Variants in IGIP observed in about 807,000 individuals in gnomAD.
The protein encoded by IGIP is IgA inducing protein, also known as IgA-inducing protein homolog.
In IGIP, 1 loss-of-function variant was observed where a neutral mutation model predicts 3.2. The observed-to-expected ratio is 0.32, with a 90% confidence interval of 0.11 to 1.50. The LOEUF is 1.50. Ranked by LOEUF, IGIP falls within the 40% of genes most tolerant of loss-of-function variation. IGIP has a pLI of 0.39. For missense variants in IGIP, 64 were observed against 69.0 expected, an observed-to-expected ratio of 0.93 and a Z score of 0.26; for synonymous variants, 20 against 22.7, an observed-to-expected ratio of 0.88 and a Z score of 0.34.
rs1173893222 is a variant in IGIP at position 140,127,623 on chromosome 5, T to G, written c.-854T>G. ...ATTATATTGCAGAGTTGCTTTATTT[T>G]GAGCTTTTTGTGTATACACAATCCC... is the stretch of plus-strand genomic sequence containing the variant. On this transcript the variant is annotated 5_prime_UTR_variant, in exon 1 of 1. An upstream open reading frame in the 5' UTR loses its in-frame stop. Coordinates refer to ENST00000333305, the MANE Select transcript of IGIP (RefSeq NM_001007189.2). 6.0e-6 allele frequency: 1 copy of G among 167,068 alleles called. No homozygotes were observed. The highest frequency in any genetic ancestry group is 1.5e-5 in the Non-Finnish European group (1 of 68,120). The allele number at this position is 167,068 out of a possible 1,614,324, so 10.3% of individuals were successfully genotyped here.
At position 140,127,860 on chromosome 5, in the gene IGIP, T is replaced by A. The variant is rs1417894814; in HGVS notation, c.-617T>A. On this transcript the variant is annotated 5_prime_UTR_variant, in exon 1 of 1. The change abolishes an upstream ATG in the 5' untranslated region. Transcript: ENST00000333305. ...CTGACAGTATTAAGTTATATTCTGA[T>A]GTAAGATTAACTTTATTAAAGAATG... The A allele has an allele frequency of 6.0e-6, 1 of 167,044 alleles. No individual in the cohort carries two copies. Among genetic ancestry groups the A allele is most frequent in the Middle Eastern group, 3.1e-3 (1 of 318 alleles). The allele number at this position is 167,044 out of a possible 1,614,324, so 10.3% of individuals were successfully genotyped here. A position where few individuals can be genotyped will look rare whatever the true frequency, so the allele number is the denominator to read the frequency against.
At position 140,128,481 on chromosome 5, in the gene IGIP, G is replaced by T; in HGVS notation, c.5G>T (p.Cys2Phe). 8 of 1,580,346 alleles carry T rather than the reference G, an allele frequency of 5.1e-6. No homozygotes were observed. The highest frequency in any genetic ancestry group is 6.0e-6 in the Non-Finnish European group (7 of 1,167,780). The change falls in exon 1 of 1, where the codon TGC (cysteine) becomes TTC (phenylalanine). Residue 2 changes from cysteine (C) to phenylalanine (F), a missense_variant. Transcript: ENST00000333305. M[C>F]SYYHMKKRSV... is the part of the protein sequence containing the mutation. Reference sequence around the variant, plus strand: ...TTTGAGCATTCTGTATTAAATATGTGCAGTTATTATCACATGAAGAAACGC... The same window carrying T: ...TTTGAGCATTCTGTATTAAATATGTTCAGTTATTATCACATGAAGAAACGC...
Position 140,128,274 on chromosome 5 carries a change from A to G in IGIP, c.-203A>G, listed in dbSNP as rs1763234697. On this transcript the variant is annotated 5_prime_UTR_variant, in exon 1 of 1. An upstream start codon of the reference 5' UTR is lost. Coordinates refer to ENST00000333305, the MANE Select transcript of IGIP (RefSeq NM_001007189.2). ...AAATGACTTTGGTTAAATGGACCAG[A>G]TGTATATTAGTTAAAATTTAGGACT... 4.2e-6 allele frequency: 2 copies of G among 473,920 alleles called. No individual in the cohort carries two copies. The highest frequency in any genetic ancestry group is 7.8e-5 in the East Asian group (2 of 25,796). The allele number at this position is 473,920 out of a possible 1,614,324, so 29.4% of individuals were successfully genotyped here. A position where few individuals can be genotyped will look rare whatever the true frequency, so the allele number is the denominator to read the frequency against.
chr5:140,128,823 CTT>C lies in IGIP; in HGVS notation c.*188_*189del. ...CATGTGACTGTATAATCAGATCAGTCTTTTGTTTCAGTGCTTTTTGGGGGAAG... is the reference window on the plus strand; with the variant it reads ...CATGTGACTGTATAATCAGATCAGTCTTGTTTCAGTGCTTTTTGGGGGAAG... On this transcript the variant is annotated 3_prime_UTR_variant, in exon 1 of 1. Transcript: ENST00000333305. 1.9e-6 allele frequency: 1 copy of C among 531,382 alleles called. No homozygotes were observed. The highest frequency in any genetic ancestry group is 3.2e-6 in the Non-Finnish European group (1 of 311,034). The allele number at this position is 531,382 out of a possible 1,614,324, so 32.9% of individuals were successfully genotyped here.
At position 140,127,348 on chromosome 5, in the gene IGIP, C is replaced by T. The variant is rs1212908093; in HGVS notation, c.-1129C>T. 6.0e-6 allele frequency: 1 copy of T among 167,030 alleles called. No individual in the cohort carries two copies. Among genetic ancestry groups the T allele is most frequent in the East Asian group, 1.9e-4 (1 of 5,200 alleles). 10.3% of individuals were successfully genotyped at this position (167,030 alleles called of 1,614,324 possible). A position where few individuals can be genotyped will look rare whatever the true frequency, so the allele number is the denominator to read the frequency against. On this transcript the variant is annotated 5_prime_UTR_variant, in exon 1 of 1. Coordinates refer to ENST00000333305, the MANE Select transcript of IGIP (RefSeq NM_001007189.2). ...GGAGTGTGCACTGGCTGGAGGCTTC[C>T]AGAGGCTTCCAGCCATGAGGTGTGA...
At position 140,127,703 on chromosome 5, in the gene IGIP, C is replaced by A. The variant is rs1012607915; in HGVS notation, c.-774C>A. The A allele has an allele frequency of 2.4e-5, 4 of 166,828 alleles. No homozygotes were observed. The highest frequency in any genetic ancestry group is 9.7e-5 in the African/African-American group (4 of 41,422). 10.3% of individuals were successfully genotyped at this position (166,828 alleles called of 1,614,324 possible). On this transcript the variant is annotated 5_prime_UTR_variant, in exon 1 of 1. Coordinates refer to ENST00000333305, the MANE Select transcript of IGIP (RefSeq NM_001007189.2). ...CCTGCTGTGAAAGGTATATATTACT[C>A]TAGATTTTTCTTACTGTAAATATTG... is the stretch of plus-strand genomic sequence containing the variant.
At position 140,128,626 on chromosome 5, in the gene IGIP, A is replaced by T; in HGVS notation, c.150A>T (p.Gln50His). The T allele has an allele frequency of 6.2e-7, 1 of 1,610,632 alleles. No individual in the cohort carries two copies. The highest frequency in any genetic ancestry group is 1.7e-5 in the Admixed American group (1 of 58,942). The change falls in exon 1 of 1, where the codon CAA becomes CAT. Residue 50 changes from glutamine to histidine, a missense_variant. Physicochemically the swap from Gln to His is conservative, Grantham distance 24. Transcript: ENST00000333305. ...VLCISRLEFV[Q>H]YQS The stretch of plus-strand genomic sequence containing the variant: ...GCATCAGCCGGCTTGAGTTTGTTCA[A>T]TATCAAAGCTGAAAACTAGCGAGGT...
Position 140,129,043 on chromosome 5 carries a change from T to A in IGIP, c.*405T>A, listed in dbSNP as rs550432166. On this transcript the variant is annotated 3_prime_UTR_variant, in exon 1 of 1. Transcript: ENST00000333305. ...AAAAATGTTATGTGAATGGCCTCCC[T>A]ATCCTGGCATACTGGGTCATTTAAA... 1 of 156,510 alleles carries A rather than the reference T, an allele frequency of 6.4e-6. No individual in the cohort carries two copies. The highest frequency in any genetic ancestry group is 1.4e-5 in the Non-Finnish European group (1 of 70,984). 9.7% of individuals were successfully genotyped at this position (156,510 alleles called of 1,614,324 possible).
Position 140,128,410 on chromosome 5 carries a change from G to A in IGIP, c.-67G>A. ...TTTGGGGACCCCATTTAAGAATGCT[G>A]AATTTTGCCAACTAAGAAGTAAGCA... On this transcript the variant is annotated 5_prime_UTR_variant, in exon 1 of 1. Coordinates refer to ENST00000333305, the MANE Select transcript of IGIP (RefSeq NM_001007189.2). 2.3e-6 allele frequency: 3 copies of A among 1,322,240 alleles called. No homozygotes were observed. In the East Asian group the frequency reaches 7.4e-5, roughly 32 times the overall value. The allele number at this position is 1,322,240 out of a possible 1,614,324, so 81.9% of individuals were successfully genotyped here. A position where few individuals can be genotyped will look rare whatever the true frequency, so the allele number is the denominator to read the frequency against.
chr5:140,126,801 A>G lies in IGIP; in HGVS notation c.-1676A>G, dbSNP rs1474428732. 1 of 167,076 alleles carries G rather than the reference A, an allele frequency of 6.0e-6. No individual in the cohort carries two copies. Among genetic ancestry groups the G allele is most frequent in the Non-Finnish European group, 1.5e-5 (1 of 68,116 alleles). 10.3% of individuals were successfully genotyped at this position (167,076 alleles called of 1,614,324 possible). A position where few individuals can be genotyped will look rare whatever the true frequency, so the allele number is the denominator to read the frequency against. On this transcript the variant is annotated 5_prime_UTR_variant, in exon 1 of 1. Transcript: ENST00000333305. ...TATCCCTGAGTGCTCTGTGCCCATC[A>G]GATATCTTAAAGTAAGCAGGGTTGG...
Position 140,128,389 on chromosome 5 carries a change from G to A in IGIP, c.-88G>A, listed in dbSNP as rs1395471731. ...GAATATCATTAATTTGCACTGTTTGGGGACCCCATTTAAGAATGCTGAATT... is the reference window on the plus strand; with the variant it reads ...GAATATCATTAATTTGCACTGTTTGAGGACCCCATTTAAGAATGCTGAATT... On this transcript the variant is annotated 5_prime_UTR_variant, in exon 1 of 1. An upstream open reading frame in the 5' UTR gains an earlier in-frame stop. Transcript: ENST00000333305. 1.1e-6 allele frequency: 1 copy of A among 923,518 alleles called. No homozygotes were observed. Among genetic ancestry groups the A allele is most frequent in the Non-Finnish European group, 1.7e-6 (1 of 605,784 alleles). 57.2% of individuals were successfully genotyped at this position (923,518 alleles called of 1,614,324 possible).
In IGIP at chr5:140,128,705, A is replaced by G; in HGVS notation, c.*67A>G. ...ATTATTTTAGGCATTGATTCTTACA[A>G]AATATATACTGTAACAGTATACTTT... On this transcript the variant is annotated 3_prime_UTR_variant, in exon 1 of 1. Transcript: ENST00000333305. The G allele has an allele frequency of 3.9e-6, 5 of 1,283,250 alleles. No homozygotes were observed. Among genetic ancestry groups the G allele is most frequent in the Non-Finnish European group, 5.5e-6 (5 of 906,986 alleles). The allele number at this position is 1,283,250 out of a possible 1,614,324, so 79.5% of individuals were successfully genotyped here.
rs1763226360 is a variant in IGIP at position 140,127,516 on chromosome 5, T to G, written c.-961T>G. 6.0e-6 allele frequency: 1 copy of G among 167,112 alleles called. No homozygotes were observed. The highest frequency in any genetic ancestry group is 2.4e-5 in the African/African-American group (1 of 41,474). The allele number at this position is 167,112 out of a possible 1,614,324, so 10.4% of individuals were successfully genotyped here. ...AGACTTTGGTTAATTAACTGGGTTCTCAGATGCCACAGACTCCGTGAGAAG... is the reference window on the plus strand; with the variant it reads ...AGACTTTGGTTAATTAACTGGGTTCGCAGATGCCACAGACTCCGTGAGAAG... On this transcript the variant is annotated 5_prime_UTR_variant, in exon 1 of 1. Transcript: ENST00000333305.
In IGIP at chr5:140,128,549, T is replaced by C. The variant is rs1244778350; in HGVS notation, c.73T>C (p.Ser25Pro). The C allele has an allele frequency of 1.9e-6, 3 of 1,610,558 alleles. No homozygotes were observed. The highest frequency in any genetic ancestry group is 3.4e-5 in the Admixed American group (2 of 58,994). Residue 25 changes from serine to proline, a missense_variant, in exon 1 of 1, where the codon TCC becomes CCC. Transcript: ENST00000333305. ...CNITIFAVMFSHLSAGKSPCG... is the reference protein window; with the variant it reads ...CNITIFAVMFPHLSAGKSPCG... ...TATTACCATATTTGCTGTCATGTTC[T>C]CCCATCTCAGTGCTGGGAAATCACC...
rs115235886 is a variant in IGIP at position 140,128,528 on chromosome 5, A to G, written c.52A>G (p.Thr18Ala). 0.018 allele frequency: 28,650 copies of G among 1,609,540 alleles called. 366 individuals carry two copies. Among genetic ancestry groups the G allele is most frequent in the Non-Finnish European group, 0.021 (25,138 of 1,178,282 alleles). The change falls in exon 1 of 1, where the codon ACC (threonine) becomes GCC (alanine). Residue 18 changes from threonine (T) to alanine (A), a missense_variant. Transcript: ENST00000333305. ...KKRSVSGCNI[T>A]IFAVMFSHLS... ...ACGCAGTGTGTCGGGCTGTAATATT[A>G]CCATATTTGCTGTCATGTTCTCCCA... is the stretch of plus-strand genomic sequence containing the variant.
Position 140,126,147 on chromosome 5 carries a change from T to A in IGIP, c.-2330T>A, listed in dbSNP as rs1763210593. 2 of 167,082 alleles carry A rather than the reference T, an allele frequency of 1.2e-5. No individual in the cohort carries two copies. Among genetic ancestry groups the A allele is most frequent in the African/African-American group, 4.8e-5 (2 of 41,448 alleles). 10.3% of individuals were successfully genotyped at this position (167,082 alleles called of 1,614,324 possible). On this transcript the variant is annotated 5_prime_UTR_variant, in exon 1 of 1. An upstream start codon of the reference 5' UTR is lost. Transcript: ENST00000333305. ...AGGAGATGTTTTCTACTTTGCAACA[T>A]GTGATTACAAAAATCTTCCTCTGTG...
rs199981499 is a variant in IGIP at position 140,128,494 on chromosome 5, C to G, written c.18C>G (p.His6Gln). The G allele has an allele frequency of 2.5e-6, 4 of 1,591,942 alleles. No homozygotes were observed. The highest frequency in any genetic ancestry group is 3.4e-6 in the Non-Finnish European group (4 of 1,171,988). Residue 6 changes from histidine (H) to glutamine (Q), a missense_variant, in exon 1 of 1, where the codon CAC becomes CAG. By Grantham distance (24) the His-to-Gln change is conservative (BLOSUM62 0). Coordinates refer to ENST00000333305, the MANE Select transcript of IGIP (RefSeq NM_001007189.2). ...TATTAAATATGTGCAGTTATTATCA[C>G]ATGAAGAAACGCAGTGTGTCGGGCT... MCSYY[H>Q]MKKRSVSGCN...
Position 140,128,208 on chromosome 5 carries a change from A to G in IGIP, c.-269A>G, listed in dbSNP as rs1763233753. 3.5e-6 allele frequency: 1 copy of G among 286,354 alleles called. No homozygotes were observed. The highest frequency in any genetic ancestry group is 6.8e-6 in the Non-Finnish European group (1 of 146,112). 17.7% of individuals were successfully genotyped at this position (286,354 alleles called of 1,614,324 possible). On this transcript the variant is annotated 5_prime_UTR_variant, in exon 1 of 1. Transcript: ENST00000333305. ...TCTTCTCTAAAGAATGGTCAAAACAATATCCTTTCAGAAATAGAATTGTTC... is the reference window on the plus strand; with the variant it reads ...TCTTCTCTAAAGAATGGTCAAAACAGTATCCTTTCAGAAATAGAATTGTTC...
Position 140,128,251 on chromosome 5 carries a change from A to G in IGIP, c.-226A>G, listed in dbSNP as rs115328588. 6.8e-3 allele frequency: 2,560 copies of G among 376,544 alleles called. 15 individuals carry two copies. Among genetic ancestry groups the G allele is most frequent in the Non-Finnish European group, 9.6e-3 (1,959 of 203,350 alleles). 23.3% of individuals were successfully genotyped at this position (376,544 alleles called of 1,614,324 possible). ...AATTGTTCTTTAATATCTTTCCAAA[A>G]TGACTTTGGTTAAATGGACCAGATG... On this transcript the variant is annotated 5_prime_UTR_variant, in exon 1 of 1. An upstream start codon of the reference 5' UTR is lost. Transcript: ENST00000333305.
Sources: allele counts gnomAD v4.1 joint callset, GRCh38; gene constraint gnomAD v4.1.1; transcripts MANE v1.5; gene names NCBI Gene and HGNC (gene_info 2026-07-23, HGNC 2026-07-21).